The following DOCK2 variants were observed in gnomAD, a reference collection of about 807,000 sequenced individuals.
The protein encoded by DOCK2 is dedicator of cytokinesis protein 2.
Under a neutral mutation model 248.9 loss-of-function variants are expected in DOCK2, and 87 were observed. That is an observed-to-expected ratio of 0.35 (90% CI 0.29 to 0.42). The LOEUF (loss-of-function observed/expected upper bound fraction) is 0.42. Among genes scored for constraint, DOCK2 ranks in the 10% least tolerant of loss-of-function variants. The probability of loss-of-function intolerance (pLI) is 1.00; values close to 1 mark genes in which losing one functional copy is unlikely to be tolerated. For missense variants in DOCK2, 1,747 were observed against 2,300.2 expected (o/e 0.76, Z 4.92); for synonymous variants, 805 against 821.6 (o/e 0.98, Z 0.35).
At chr5:170,050,533 A>G in intron 41 of DOCK2, 136 bp downstream of exon 41, 1 of 1,041,912 alleles carries the variant, frequency 9.6e-7, no homozygotes, top group Non-Finnish European at 1.4e-6. Flanking sequence ...AGGAACATGC[A>G]ACATGTTCTT....
intron 36 of DOCK2, among the ~76,000 whole-genome samples, chr5:170,040,424 C>T (rs531363831): frequency 6.6e-6 from 1 of 152,330 alleles, no homozygotes; most frequent in East Asian, 1.9e-4. Flanking sequence ...ATAGCTAACT[C>T]TTCCTACTGA....
rs1209147662 is a variant in DOCK2, at chr5:169,801,152, T to G, written c.2555-1906T>G. ...CATGCCCAGATAGTTTTGGGTTTTT[T>G]TTTTTTTTTTTTTTTTTTTTTTTTT... On this transcript the variant is annotated intron_variant, in intron 25 of 51. Transcript: ENST00000520908. 1.6e-3 allele frequency among the ~76,000 whole-genome samples: 113 copies of G among 71,456 alleles called. 9 individuals carry two copies. Among genetic ancestry groups the G allele is most frequent in the East Asian group, 7.2e-3 (14 of 1,938 alleles). 46.9% of individuals were successfully genotyped at this position (71,456 alleles called of 152,430 possible).
At position 169,780,333 on chromosome 5, in the gene DOCK2, G is replaced by GTGTGTGTGTGTGTGGA. The variant is rs1554100110; in HGVS notation, c.2554+18715_2554+18716insGTGTGTGGATGTGTGT. On this transcript the variant is annotated intron_variant, in intron 25 of 51. Coordinates refer to ENST00000520908, the MANE Select transcript of DOCK2 (RefSeq NM_004946.3). ...TGTGTGTGTGTGTGTGTGTGTGTGT[G>GTGTGTGTGTGTGTGGA]TGTGTGTTGAATCGTTCTAACACAC... Among the ~76,000 whole-genome samples the GTGTGTGTGTGTGTGGA allele has an allele frequency of 2.5e-3, 361 of 145,090 alleles. 2 individuals are homozygous for GTGTGTGTGTGTGTGGA. The highest frequency in any genetic ancestry group is 9.4e-3 in the African/African-American group (340 of 36,238).
intron 30 of DOCK2, among the ~76,000 whole-genome samples, chr5:170,003,235 T>C (rs1754902854): frequency 6.6e-6 from 1 of 152,238 alleles, no homozygotes; most frequent in Non-Finnish European, 1.5e-5. Flanking sequence ...CAGTCCTTTA[T>C]GGTAGGTACC....
intron 30 of DOCK2, among the ~76,000 whole-genome samples, chr5:169,996,856 G>A (rs1754655124): frequency 6.6e-6 from 1 of 152,226 alleles, no homozygotes; most frequent in Admixed American, 6.5e-5. Flanking sequence ...GAACTGGAAT[G>A]ATGGTGTTTT....
chr5:170,056,923 T>G, intron 43 of DOCK2, 155 bp downstream of exon 43: 2 of 652,924 alleles, frequency 3.1e-6, no homozygotes, highest in Non-Finnish European at 5.3e-6. Context: ...CCCCAATCTC[T>G]TCCATTAGGG....
chr5:169,916,689 C>CTG (rs5873197), intron 27 of DOCK2, among the ~76,000 whole-genome samples: 127,572 of 152,078 alleles, frequency 0.84, 53,920 homozygotes, highest in African/African-American at 0.95. Context: ...ATATGAGAGA[C>CTG]TTTTTAATAA....
rs187464300 is a variant in DOCK2 at position 169,904,748 on chromosome 5, T to C, written c.2799+63896T>C. ...GCGAGCATTAACTGTATTAGCTACA[T>C]TGGAATTTCCATCAGTGACACTGTA... On this transcript the variant is annotated intron_variant, in intron 27 of 51. Transcript: ENST00000520908. Among the ~76,000 whole-genome samples, 475 of 152,308 alleles carry C rather than the reference T, an allele frequency of 3.1e-3. 5 individuals carry two copies. The highest frequency in any genetic ancestry group is 0.019 in the Admixed American group (284 of 15,300).
chr5:169,669,141 T>G, intron 2 of DOCK2, 147 bp from the exon 3 acceptor site: 15 of 821,644 alleles, frequency 1.8e-5, no homozygotes, highest in East Asian at 5.2e-5. Context: ...TCAAAGACTA[T>G]GAGCTTCCAG....
intron 26 of DOCK2, among the ~76,000 whole-genome samples, chr5:169,803,543 C>G (rs903869380): frequency 6.6e-6 from 1 of 152,306 alleles, no homozygotes; most frequent in South Asian, 2.1e-4. Flanking sequence ...TATGCCTAGA[C>G]AGCAAGAAAA....
intron 6 of DOCK2, 75 bp from the exon 7 acceptor site, chr5:169,681,669 T>G: frequency 6.4e-7 from 1 of 1,562,346 alleles, no homozygotes; most frequent in Admixed American, 1.8e-5. Flanking sequence ...AGCTGAACTT[T>G]CTGGTAAAAA....
intron 35 of DOCK2, among the ~76,000 whole-genome samples, 192 bp downstream of exon 35, chr5:170,034,747 T>C (rs906483505): frequency 6.6e-6 from 1 of 152,232 alleles, no homozygotes; most frequent in African/African-American, 2.4e-5. Context: ...CACCTTTCTA[T>C]GCCTGCCTCC....
At chr5:170,047,722 C>G in intron 40 of DOCK2, 108 bp downstream of exon 40, 1 of 1,005,602 alleles carries the variant, frequency 9.9e-7, no homozygotes, top group South Asian at 1.6e-5. Context: ...CGGTGCTCTT[C>G]TCTGTCTGAG....
chr5:170,011,817 C>T (rs1009542267), intron 32 of DOCK2, among the ~76,000 whole-genome samples: 1 of 152,204 alleles, frequency 6.6e-6, no homozygotes, highest in Non-Finnish European at 1.5e-5. Flanking sequence ...GCCCTCCCCT[C>T]TCTTTCTTTC....
At chr5:169,661,284 T>C (rs1309418134) in intron 2 of DOCK2, among the ~76,000 whole-genome samples, 1 of 152,210 alleles carries the variant, frequency 6.6e-6, no homozygotes, top group Non-Finnish European at 1.5e-5. Context: ...ATTCAGACTT[T>C]CATTGCAGAG....
At chr5:170,051,037 G>A (rs1156238497) in intron 41 of DOCK2, among the ~76,000 whole-genome samples, 1 of 152,188 alleles carries the variant, frequency 6.6e-6, no homozygotes, top group Non-Finnish European at 1.5e-5. Context: ...TGTGCCTTGA[G>A]GAAGCCATGC....
At chr5:169,813,157 C>A (rs1052485631) in intron 26 of DOCK2, among the ~76,000 whole-genome samples, 1 of 152,126 alleles carries the variant, frequency 6.6e-6, no homozygotes, top group Non-Finnish European at 1.5e-5. Flanking sequence ...TCACAAGAAC[C>A]GAGTATTAAA....
intron 15 of DOCK2, among the ~76,000 whole-genome samples, chr5:169,709,361 T>C (rs1468885654): frequency 6.6e-6 from 1 of 152,104 alleles, no homozygotes; most frequent in Non-Finnish European, 1.5e-5. Flanking sequence ...TCATATGGCA[T>C]CTCCCCGCAA....
chr5:169,968,320 T>G, intron 27 of DOCK2, among the ~76,000 whole-genome samples: 1 of 152,164 alleles, frequency 6.6e-6, no homozygotes. Context: ...GGCAGTCCTT[T>G]TAACCTCTTT....
Sources: allele counts gnomAD v4.1 joint callset (sites outside exome capture counted in the v4.1 genomes callset), GRCh38; gene constraint gnomAD v4.1.1; transcripts MANE v1.5; gene names NCBI Gene and HGNC (gene_info 2026-07-23, HGNC 2026-07-21).